TNNI3: variants seen among roughly 807,000 people sequenced by gnomAD.
TNNI3 encodes the protein troponin I, cardiac muscle.
TNNI3 carries 23 observed loss-of-function variants against 31.5 expected under a neutral mutation model. That is an observed-to-expected ratio of 0.73 (90% CI 0.52 to 1.03). The LOEUF is 1.03. TNNI3 is among the 50% of genes least tolerant of loss of function. TNNI3 has a pLI of 0.00. For synonymous variants in TNNI3, 120 were observed against 111.7 expected (o/e 1.07, Z -0.47); for missense variants, 236 against 282.9 (o/e 0.83, Z 1.19).
chr19:55,151,780 A>T lies in TNNI3; in HGVS notation c.*54T>A. The T allele has an allele frequency of 6.4e-7, 1 of 1,551,812 alleles. No individual in the cohort carries two copies. Among genetic ancestry groups the T allele is most frequent in the Non-Finnish European group, 8.9e-7 (1 of 1,123,750 alleles). ...ACATGGAGTCACTTTCAGCTCAGAG[A>T]GAAGCTTTATTCCTCAGGGCCCTCC... On this transcript the variant is annotated 3_prime_UTR_variant, in exon 8 of 8. Transcript: ENST00000344887.
In TNNI3 at chr19:55,157,618, G is replaced by A. The variant is rs751492474; in HGVS notation, c.-29C>T. 2 of 1,613,766 alleles carry A rather than the reference G, an allele frequency of 1.2e-6. No homozygotes were observed. Among genetic ancestry groups the A allele is most frequent in the South Asian group, 1.1e-5 (1 of 91,068 alleles). On this transcript the variant is annotated 5_prime_UTR_variant, in exon 1 of 8. Coordinates refer to ENST00000344887, the MANE Select transcript of TNNI3 (RefSeq NM_000363.5). This position sits in a 1 kb window ranked among gnomAD's most constrained non-coding sequence, Gnocchi z 6.3. ...GAGACTCAGGCCGGGAATGGCAGGA[G>A]GCAGGGCGAGGACAGGGGCGTTTGG...
chr19:55,157,484 A>C lies in TNNI3; in HGVS notation c.11+95T>G. 6.3e-7 allele frequency: 1 copy of C among 1,582,568 alleles called. No individual in the cohort carries two copies. The highest frequency in any genetic ancestry group is 2.2e-5 in the East Asian group (1 of 44,546). On this transcript the variant is annotated intron_variant, in intron 1 of 7. Coordinates refer to ENST00000344887, the MANE Select transcript of TNNI3 (RefSeq NM_000363.5). The surrounding 1 kb of genome is among the most constrained non-coding windows in gnomAD (Gnocchi z 6.3). Reference sequence around the variant, plus strand: ...TCTTCACCCAAGAGTCCCTACGCCTACCTCGCAGGCCAAGGGTCCAGCCTC... The same window carrying C: ...TCTTCACCCAAGAGTCCCTACGCCTCCCTCGCAGGCCAAGGGTCCAGCCTC...
intron 6 of TNNI3, 73 bp downstream of exon 6, chr19:55,154,668 G>A (rs577443061): frequency 6.0e-6 from 8 of 1,342,288 alleles, no homozygotes; most frequent in Middle Eastern, 1.8e-4. Flanking sequence ...GCAGCTGCAA[G>A]GGGTCAGGCA....
intron 7 of TNNI3, 119 bp downstream of exon 7, chr19:55,153,911 C>T (rs2034545372): frequency 1.9e-6 from 2 of 1,071,612 alleles, no homozygotes; most frequent in Non-Finnish European, 2.8e-6. Context: ...TTTCTGAGGA[C>T]CCCTTACTAG....
In TNNI3 at chr19:55,157,058, G is replaced by GCGGCT. The variant is rs760306570; in HGVS notation, c.95_99dup (p.His34SerfsTer18). The GCGGCT allele has an allele frequency of 6.3e-7, 1 of 1,593,232 alleles. No individual in the cohort carries two copies. The highest frequency in any genetic ancestry group is 1.3e-5 in the African/African-American group (1 of 74,942). On this transcript the variant is annotated frameshift_variant, in exon 3 of 8. Transcript: ENST00000344887. LOFTEE classifies it high-confidence loss of function. This position sits in a 1 kb window ranked among gnomAD's most constrained non-coding sequence, Gnocchi z 6.3. ...AGGAAGCCCCGTCCCACCTTGGCGT[G>GCGGCT]CGGCTCCGTGGCATAAGCGCGGTAG... is the stretch of plus-strand genomic sequence containing the variant.
chr19:55,154,744 C>T lies in TNNI3; in HGVS notation c.369G>A (p.Thr123=), dbSNP rs748164248. The change falls in exon 6 of 8, where the codon ACG becomes ACA. Residue 123 remains threonine, a synonymous_variant. Transcript: ENST00000344887. ...DIEAKVTKNI[T]EIADLTQKIF... is the part of the protein sequence containing the mutation. ...CCGAGCTGCCCATGCGTCCCACCTC[C>T]GTGATGTTCTTGGTGACTTTTGCCT... is the stretch of plus-strand genomic sequence containing the variant. The T allele has an allele frequency of 1.2e-5, 20 of 1,613,984 alleles. No homozygotes were observed. The highest frequency in any genetic ancestry group is 1.7e-5 in the Admixed American group (1 of 59,996).
rs1028478870 is a variant in TNNI3 at position 55,152,849 on chromosome 19, G to A, written c.550-932C>T. 6.6e-6 allele frequency among the ~76,000 whole-genome samples: 1 copy of A among 152,096 alleles called. No homozygotes were observed. Among genetic ancestry groups the A allele is most frequent in the Non-Finnish European group, 1.5e-5 (1 of 68,008 alleles). ...GAGTCTCCCAGTGTTGCCTGGGCTGGAGTGCAGTGGTGAGATCTCGGCTCA... is the reference window on the plus strand; with the variant it reads ...GAGTCTCCCAGTGTTGCCTGGGCTGAAGTGCAGTGGTGAGATCTCGGCTCA... On this transcript the variant is annotated intron_variant, in intron 7 of 7. Transcript: ENST00000344887. The surrounding 1 kb of genome is among the most constrained non-coding windows in gnomAD (Gnocchi z 4.0).
In TNNI3 at chr19:55,151,930, G is replaced by C. The variant is rs372398075; in HGVS notation, c.550-13C>G. On this transcript the variant is annotated splice_polypyrimidine_tract_variant and intron_variant, in intron 7 of 7. Transcript: ENST00000344887. ...CCTCCCGGTTTTCCTGGAGGATGGC[G>C]ATGAGTCAGAGGTTAGGGTCTCTTC... The C allele has an allele frequency of 6.2e-7, 1 of 1,613,318 alleles. No individual in the cohort carries two copies. Among genetic ancestry groups the C allele is most frequent in the South Asian group, 1.1e-5 (1 of 91,054 alleles).
chr19:55,154,633 G>A lies in TNNI3; in HGVS notation c.372+108C>T, dbSNP rs973279027. 20 of 926,660 alleles carry A rather than the reference G, an allele frequency of 2.2e-5. No individual in the cohort carries two copies. The African/African-American group carries it at 2.8e-4, about 13-fold the overall frequency. The allele number at this position is 926,660 out of a possible 1,614,324, so 57.4% of individuals were successfully genotyped here. A position where few individuals can be genotyped will look rare whatever the true frequency, so the allele number is the denominator to read the frequency against. On this transcript the variant is annotated intron_variant, in intron 6 of 7. Coordinates refer to ENST00000344887, the MANE Select transcript of TNNI3 (RefSeq NM_000363.5). ...CCCTGCCAGGCTCACAGTTGTCCTG[G>A]GTCTCCTGGGATGTGCAGCCAAAAG...
chr19:55,156,503 C>G lies in TNNI3; in HGVS notation c.150+100G>C. The G allele has an allele frequency of 1.3e-6, 2 of 1,523,480 alleles. No individual in the cohort carries two copies. Among genetic ancestry groups the G allele is most frequent in the Non-Finnish European group, 1.8e-6 (2 of 1,125,068 alleles). 94.4% of individuals were successfully genotyped at this position (1,523,480 alleles called of 1,614,324 possible). A position where few individuals can be genotyped will look rare whatever the true frequency, so the allele number is the denominator to read the frequency against. ...TAAAGCCACGCCCCGAGCGGCCAAACCCCGCCCACTTCCGCCCACCTACCC... is the reference window on the plus strand; with the variant it reads ...TAAAGCCACGCCCCGAGCGGCCAAAGCCCGCCCACTTCCGCCCACCTACCC... On this transcript the variant is annotated intron_variant, in intron 4 of 7. Transcript: ENST00000344887. The surrounding 1 kb of genome is among the most constrained non-coding windows in gnomAD (Gnocchi z 4.6).
At chr19:55,154,913 CG>C (rs2085717658) in intron 5 of TNNI3, 83 bp from the exon 6 acceptor site, 6 of 1,083,062 alleles carry the variant, frequency 5.5e-6, no homozygotes, top group African/African-American at 2.0e-5. Context: ...AGAAGGGGCT[CG>C]GGGCCTGGAC....
Position 55,157,261 on chromosome 19 carries a change from G to T in TNNI3, c.24+35C>A. 1.9e-6 allele frequency: 3 copies of T among 1,610,944 alleles called. No individual in the cohort carries two copies. The South Asian group carries it at 3.3e-5, about 18-fold the overall frequency. On this transcript the variant is annotated intron_variant, in intron 2 of 7. Coordinates refer to ENST00000344887, the MANE Select transcript of TNNI3 (RefSeq NM_000363.5). The surrounding 1 kb of genome is among the most constrained non-coding windows in gnomAD (Gnocchi z 6.3). ...CACTGCAGCGCCCACCCTGGCCCTG[G>T]GGGTCCCAGCCACGCCTTAGCCCGC... is the stretch of plus-strand genomic sequence containing the variant.
In TNNI3 at chr19:55,156,513, T is replaced by G. The variant is rs2085731570; in HGVS notation, c.150+90A>C. On this transcript the variant is annotated intron_variant, in intron 4 of 7. Coordinates refer to ENST00000344887, the MANE Select transcript of TNNI3 (RefSeq NM_000363.5). This position sits in a 1 kb window ranked among gnomAD's most constrained non-coding sequence, Gnocchi z 4.6. ...CCCCGAGCGGCCAAACCCCGCCCACTTCCGCCCACCTACCCCGAAAGCCCC... is the reference window on the plus strand; with the variant it reads ...CCCCGAGCGGCCAAACCCCGCCCACGTCCGCCCACCTACCCCGAAAGCCCC... 3 of 1,400,456 alleles carry G rather than the reference T, an allele frequency of 2.1e-6. No individual in the cohort carries two copies. The highest frequency in any genetic ancestry group is 2.9e-6 in the Non-Finnish European group (3 of 1,037,602). The allele number at this position is 1,400,456 out of a possible 1,614,324, so 86.8% of individuals were successfully genotyped here. A position where few individuals can be genotyped will look rare whatever the true frequency, so the allele number is the denominator to read the frequency against.
At chr19:55,153,240 T>C (rs190602537) in intron 7 of TNNI3, among the ~76,000 whole-genome samples, 34 of 152,328 alleles carry the variant, frequency 2.2e-4, no homozygotes, top group Admixed American at 1.8e-3. Flanking sequence ...CCTTCTTTTG[T>C]TGTTATTTAT....
chr19:55,154,066 G>A lies in TNNI3; in HGVS notation c.513C>T (p.Ala171=). The A allele has an allele frequency of 6.2e-7, 1 of 1,612,412 alleles. No homozygotes were observed. The highest frequency in any genetic ancestry group is 2.2e-5 in the East Asian group (1 of 44,852). Residue 171 remains alanine (A), a synonymous_variant, in exon 7 of 8, where the codon GCC becomes GCT. Transcript: ENST00000344887. ...ARAKESLDLR[A]HLKQVKKEDT... ...CCTCCTTCTTCACCTGCTTGAGGTGGGCCCGCAGGTCCAGGGACTCCTTAG... is the reference window on the plus strand; with the variant it reads ...CCTCCTTCTTCACCTGCTTGAGGTGAGCCCGCAGGTCCAGGGACTCCTTAG...
chr19:55,157,335 G>C lies in TNNI3; in HGVS notation c.12-27C>G. 6.2e-7 allele frequency: 1 copy of C among 1,601,466 alleles called. No individual in the cohort carries two copies. Among genetic ancestry groups the C allele is most frequent in the Non-Finnish European group, 8.5e-7 (1 of 1,178,482 alleles). On this transcript the variant is annotated intron_variant, in intron 1 of 7. Coordinates refer to ENST00000344887, the MANE Select transcript of TNNI3 (RefSeq NM_000363.5). This position sits in a 1 kb window ranked among gnomAD's most constrained non-coding sequence, Gnocchi z 6.3. ...TGGAAGGAGAGAAACCAAGGAGGGG[G>C]GTTAGTGGTGGGCTGTGTCCTGTCT...
In TNNI3 at chr19:55,156,802, C is replaced by G. The variant is rs1200389122; in HGVS notation, c.109-158G>C. ...CTACGGGAGGCCACGCCCCTCATTC[C>G]CATCCACCAATCTGGGTCTCTTCCT... On this transcript the variant is annotated intron_variant, in intron 3 of 7. Coordinates refer to ENST00000344887, the MANE Select transcript of TNNI3 (RefSeq NM_000363.5). This position sits in a 1 kb window ranked among gnomAD's most constrained non-coding sequence, Gnocchi z 4.6. The G allele has an allele frequency of 7.8e-6, 7 of 902,000 alleles. No homozygotes were observed. The Admixed American group carries it at 1.0e-4, about 13-fold the overall frequency. 55.9% of individuals were successfully genotyped at this position (902,000 alleles called of 1,614,324 possible). A position where few individuals can be genotyped will look rare whatever the true frequency, so the allele number is the denominator to read the frequency against.
Position 55,154,731 on chromosome 19 carries a change from T to A in TNNI3, c.372+10A>T, listed in dbSNP as rs900155963. On this transcript the variant is annotated intron_variant, in intron 6 of 7. Transcript: ENST00000344887. ...ACCCCGAAGGTACCCGAGCTGCCCA[T>A]GCGTCCCACCTCCGTGATGTTCTTG... is the stretch of plus-strand genomic sequence containing the variant. 1 of 1,613,716 alleles carries A rather than the reference T, an allele frequency of 6.2e-7. No individual in the cohort carries two copies. Among genetic ancestry groups the A allele is most frequent in the Non-Finnish European group, 8.5e-7 (1 of 1,179,652 alleles).
At position 55,157,518 on chromosome 19, in the gene TNNI3, G is replaced by T. The variant is rs764838822; in HGVS notation, c.11+61C>A. ...GCCAAGGGTCCAGCCTCTCAGCTGC[G>T]ACCCCTCTTGGGAACCCGGGAGGTC... On this transcript the variant is annotated intron_variant, in intron 1 of 7. Coordinates refer to ENST00000344887, the MANE Select transcript of TNNI3 (RefSeq NM_000363.5). This position sits in a 1 kb window ranked among gnomAD's most constrained non-coding sequence, Gnocchi z 6.3. The T allele has an allele frequency of 6.2e-7, 1 of 1,608,182 alleles. No individual in the cohort carries two copies. The highest frequency in any genetic ancestry group is 1.1e-5 in the South Asian group (1 of 90,666).
Sources: allele counts gnomAD v4.1 joint callset (sites outside exome capture counted in the v4.1 genomes callset), GRCh38; gene constraint gnomAD v4.1.1; non-coding constraint Gnocchi (gnomAD v3.1); transcripts MANE v1.5; gene names NCBI Gene and HGNC (gene_info 2026-07-23, HGNC 2026-07-21).